Variants in FGF14 observed in about 807,000 individuals in gnomAD.
FGF14 encodes the protein fibroblast growth factor homologous factor 4.
FGF14 carries 5 observed loss-of-function variants against 25.5 expected under a neutral mutation model. That is an observed-to-expected ratio of 0.20 (90% confidence interval 0.10 to 0.41). FGF14 has a LOEUF of 0.41. Among genes scored for constraint, FGF14 ranks in the 10% least tolerant of loss-of-function variants. The probability of loss-of-function intolerance (pLI) is 1.00; values close to 1 mark genes in which losing one functional copy is unlikely to be tolerated. For missense variants in FGF14, 222 were observed against 320.1 expected (o/e 0.69, Z 2.34); for synonymous variants, 138 against 118.3 (o/e 1.17, Z -1.08).
At chr13:102,323,591 G>C (rs930190744) in intron 1 of FGF14, among the ~76,000 whole-genome samples, 2 of 152,138 alleles carry the variant, frequency 1.3e-5, no homozygotes, top group Non-Finnish European at 2.9e-5. Context: ...AATTTACCAA[G>C]AGTCCTTTCT....
chr13:101,757,536 C>T (rs1274970126), intron 3 of FGF14, among the ~76,000 whole-genome samples: 2 of 152,176 alleles, frequency 1.3e-5, no homozygotes, highest in Non-Finnish European at 2.9e-5. Flanking sequence ...AATCACTTCT[C>T]AGCCTCTCCT....
At chr13:102,281,313 G>C (rs1470506839) in intron 1 of FGF14, among the ~76,000 whole-genome samples, 1 of 152,100 alleles carries the variant, frequency 6.6e-6, no homozygotes, top group Non-Finnish European at 1.5e-5. Context: ...ATGCTTTTCT[G>C]GATTTAGAAA....
intron 1 of FGF14, among the ~76,000 whole-genome samples, chr13:101,904,210 T>G (rs919382566): frequency 6.6e-6 from 1 of 152,228 alleles, no homozygotes; most frequent in African/African-American, 2.4e-5. Flanking sequence ...CCAGTGTGTC[T>G]ACCTCCAGGG....
At chr13:102,221,611 CACAA>C (rs2050613223) in intron 1 of FGF14, among the ~76,000 whole-genome samples, 1 of 72,170 alleles carries the variant, frequency 1.4e-5, no homozygotes, top group African/African-American at 7.8e-5. Flanking sequence ...AATGACATCA[CACAA>C]ACACACAAAC....
chr13:101,738,626 G>A (rs1221289681), intron 3 of FGF14, among the ~76,000 whole-genome samples: 1 of 152,056 alleles, frequency 6.6e-6, no homozygotes, highest in Non-Finnish European at 1.5e-5. Context: ...CTGAGGAGGG[G>A]AGAATGTCAA....
chr13:102,083,497 A>G (rs568027099), intron 1 of FGF14, among the ~76,000 whole-genome samples: 1 of 152,282 alleles, frequency 6.6e-6, no homozygotes, highest in East Asian at 1.9e-4. Flanking sequence ...TAAATGACAG[A>G]TAGTAGACCC....
chr13:102,197,755 T>C (rs1007714088), intron 1 of FGF14, among the ~76,000 whole-genome samples: 5 of 152,140 alleles, frequency 3.3e-5, no homozygotes, highest in Non-Finnish European at 7.3e-5. Flanking sequence ...AAATATATTA[T>C]GATAAAAGTG....
At chr13:101,898,746 A>C (rs1205399115) in intron 1 of FGF14, among the ~76,000 whole-genome samples, 1 of 152,078 alleles carries the variant, frequency 6.6e-6, no homozygotes, top group Non-Finnish European at 1.5e-5. Context: ...TAAGACCAAC[A>C]CTCCTACCAT....
At position 101,858,920 on chromosome 13, in the gene FGF14, T is replaced by C. The variant is rs191569076; in HGVS notation, c.408+9805A>G. ...TTATTTTTTCTCCCCTGAGATTCTC[T>C]CTTAAGTTAAAGACGACATTACCAC... On this transcript the variant is annotated intron_variant, in intron 3 of 4. Coordinates refer to ENST00000376143, the MANE Select transcript of FGF14 (RefSeq NM_004115.4). Among the ~76,000 whole-genome samples, 335 of 152,240 alleles carry C rather than the reference T, an allele frequency of 2.2e-3. 1 individual carries two copies. The highest frequency in any genetic ancestry group is 4.9e-3 in the Admixed American group (75 of 15,266).
chr13:101,806,169 C>T (rs1455079672), intron 3 of FGF14, among the ~76,000 whole-genome samples: 1 of 151,740 alleles, frequency 6.6e-6, no homozygotes, highest in African/African-American at 2.4e-5. Flanking sequence ...CTCCTGTAAT[C>T]CCAGCACTTT....
chr13:101,806,154 G>T (rs928304588), intron 3 of FGF14, among the ~76,000 whole-genome samples: 5 of 151,956 alleles, frequency 3.3e-5, no homozygotes, highest in Non-Finnish European at 4.4e-5. Flanking sequence ...GGGAGCAGTG[G>T]CTCACTCCTG....
chr13:101,934,873 A>C (rs1445885962), intron 1 of FGF14, among the ~76,000 whole-genome samples: 1 of 152,100 alleles, frequency 6.6e-6, no homozygotes, highest in African/African-American at 2.4e-5. Context: ...ACTCAATTCT[A>C]TTTTTTTAAT....
intron 1 of FGF14, among the ~76,000 whole-genome samples, chr13:102,370,507 T>C (rs1187669340): frequency 5.3e-5 from 8 of 152,126 alleles, no homozygotes; most frequent in Non-Finnish European, 1.2e-4. Flanking sequence ...CACCTCGGCC[T>C]CCTGAGTAGC....
At chr13:101,826,173 G>T (rs759690409) in intron 3 of FGF14, among the ~76,000 whole-genome samples, 1 of 152,010 alleles carries the variant, frequency 6.6e-6, no homozygotes, top group Non-Finnish European at 1.5e-5. Flanking sequence ...GTTAAAACAT[G>T]CAGCCATAAA....
At chr13:101,999,629 A>G (rs1438300598) in intron 1 of FGF14, among the ~76,000 whole-genome samples, 1 of 152,166 alleles carries the variant, frequency 6.6e-6, no homozygotes, top group East Asian at 1.9e-4. Context: ...CTAGAATTCC[A>G]TGCCATGCAC....
chr13:101,802,039 G>A, intron 3 of FGF14: 1 of 409,692 alleles, frequency 2.4e-6, no homozygotes, highest in Non-Finnish European at 4.7e-6. Flanking sequence ...CAGTGTCTAG[G>A]AAAGATAAGT....
intron 1 of FGF14, among the ~76,000 whole-genome samples, chr13:102,009,411 T>C (rs1336052573): frequency 2.0e-5 from 3 of 152,150 alleles, no homozygotes; most frequent in African/African-American, 2.4e-5. Flanking sequence ...AATAGTTTTT[T>C]ATCAGTTTGA....
chr13:102,038,992 G>T (rs1482756089), intron 1 of FGF14, among the ~76,000 whole-genome samples: 1 of 152,122 alleles, frequency 6.6e-6, no homozygotes, highest in Non-Finnish European at 1.5e-5. Flanking sequence ...ACATGGATTA[G>T]CTCATTTAAT....
intron 1 of FGF14, among the ~76,000 whole-genome samples, chr13:102,369,076 A>C (rs2057799479): frequency 1.3e-5 from 2 of 152,194 alleles, no homozygotes; most frequent in South Asian, 4.1e-4. Context: ...TGAAAAACTA[A>C]TCATGTGTCT....
Sources: gnomAD v4.1 joint callset for allele counts (sites outside exome capture counted in the v4.1 genomes callset) on GRCh38, gnomAD v4.1.1 for gene constraint, MANE v1.5 for transcripts, NCBI Gene and HGNC (gene_info 2026-07-23, HGNC 2026-07-21) for gene names.